GRIK1: variants seen among roughly 807,000 people sequenced by gnomAD.
GRIK1 encodes glutamate receptor ionotropic, kainate 1.
In GRIK1, 69 loss-of-function variants were observed where a neutral mutation model predicts 105.7. The ratio of observed to expected loss-of-function variants is 0.65; its 90% CI spans 0.54 to 0.80. The LOEUF (loss-of-function observed/expected upper bound fraction) is 0.80. Ranked by LOEUF, GRIK1 falls within the 30% of genes least tolerant of loss-of-function variation. The probability of loss-of-function intolerance (pLI) is 0.00; values close to 1 mark genes in which losing one functional copy is unlikely to be tolerated. For missense variants in GRIK1, 1,109 were observed against 1,167.3 expected, an observed-to-expected ratio of 0.95 and a Z score of 0.73; for synonymous variants, 438 against 431.3, an observed-to-expected ratio of 1.02 and a Z score of -0.19.
At position 29,882,930 on chromosome 21, in the gene GRIK1, T is replaced by G. The variant is rs115120465; in HGVS notation, c.118+56453A>C. 7.3e-3 allele frequency among the ~76,000 whole-genome samples: 1,110 copies of G among 152,174 alleles called. 19 individuals are homozygous for G. The highest frequency in any genetic ancestry group is 0.025 in the African/African-American group (1,049 of 41,522). On this transcript the variant is annotated intron_variant, in intron 1 of 17. Coordinates refer to ENST00000327783, the MANE Select transcript of GRIK1 (RefSeq NM_001330994.2). ...ACCAGGGGCTGCAACTTGCTTTACT[T>G]TCTTGATGTCTAATTACTTTTTCTT...
intron 1 of GRIK1, among the ~76,000 whole-genome samples, chr21:29,898,087 A>T (rs914915553): frequency 2.4e-4 from 37 of 152,324 alleles, no homozygotes; most frequent in African/African-American, 8.7e-4. Flanking sequence ...TACCACTCAT[A>T]CATGTTCTAA....
chr21:29,634,860 T>G (rs1355186060), intron 7 of GRIK1, among the ~76,000 whole-genome samples: 1 of 152,186 alleles, frequency 6.6e-6, no homozygotes, highest in African/African-American at 2.4e-5. Context: ...CTGTCTCCAC[T>G]CTGTATGGAA....
intron 1 of GRIK1, among the ~76,000 whole-genome samples, chr21:29,723,249 T>C (rs900755710): frequency 6.6e-6 from 1 of 152,254 alleles, no homozygotes; most frequent in Non-Finnish European, 1.5e-5. Context: ...AATTTAAAAT[T>C]TGAGAATACT....
chr21:29,673,103 G>T lies in GRIK1; in HGVS notation c.606C>A (p.Ile202=), dbSNP rs1290066531. 1 of 1,612,392 alleles carries T rather than the reference G, an allele frequency of 6.2e-7. No homozygotes were observed. Among genetic ancestry groups the T allele is most frequent in the Non-Finnish European group, 8.5e-7 (1 of 1,178,534 alleles). ...CTTTATTCCCAGAGGGCAGCTGGCG[G>T]ATTTTGATTTTAATATTATATCTGG... ...APSRYNIKIK[I]RQLPSGNKDA... is the part of the protein sequence containing the mutation. The change falls in exon 4 of 18, where the codon ATC becomes ATA. Residue 202 remains isoleucine, a synonymous_variant. Transcript: ENST00000327783.
chr21:29,649,686 A>G (rs964986589), intron 6 of GRIK1, among the ~76,000 whole-genome samples: 4 of 152,254 alleles, frequency 2.6e-5, no homozygotes, highest in Non-Finnish European at 4.4e-5. Context: ...GCTCAGTATA[A>G]TTGAACACAC....
intron 1 of GRIK1, among the ~76,000 whole-genome samples, chr21:29,790,077 G>C (rs181825653): frequency 3.3e-5 from 5 of 152,168 alleles, no homozygotes; most frequent in African/African-American, 1.2e-4. Flanking sequence ...TTGTGGTGGA[G>C]TCTCGCTGTA....
chr21:29,769,604 G>A (rs1438581197), intron 1 of GRIK1, among the ~76,000 whole-genome samples: 1 of 152,062 alleles, frequency 6.6e-6, no homozygotes, highest in Non-Finnish European at 1.5e-5. Flanking sequence ...GACAAGAGGC[G>A]GAGCTCAGGT....
intron 1 of GRIK1, among the ~76,000 whole-genome samples, chr21:29,883,152 C>T (rs1424982618): frequency 1.3e-5 from 2 of 152,052 alleles, no homozygotes; most frequent in African/African-American, 4.8e-5. Flanking sequence ...TGGAAGGTAA[C>T]TTAACCCATT....
intron 1 of GRIK1, among the ~76,000 whole-genome samples, chr21:29,816,514 A>G (rs1344028437): frequency 1.3e-5 from 2 of 152,156 alleles, no homozygotes; most frequent in South Asian, 2.1e-4. Context: ...CACTATTCAC[A>G]ATAACCAAGA....
At chr21:29,601,164 C>G in intron 7 of GRIK1, 1 of 483,212 alleles carries the variant, frequency 2.1e-6, no homozygotes, top group South Asian at 1.5e-5. Flanking sequence ...CCATTCAATT[C>G]ATGTAGAGCC....
At chr21:29,631,150 C>T (rs899644988) in intron 7 of GRIK1, among the ~76,000 whole-genome samples, 7 of 152,114 alleles carry the variant, frequency 4.6e-5, no homozygotes, top group African/African-American at 1.7e-4. Context: ...AACTATTATG[C>T]TGGTAAAGCT....
At position 29,926,303 on chromosome 21, in the gene GRIK1, C is replaced by G. The variant is rs183690305; in HGVS notation, c.118+13080G>C. ...CTCAAAATTCTCTACAACGGGCACC[C>G]TGATTTAAAGAAACCACAGTGATTA... On this transcript the variant is annotated intron_variant, in intron 1 of 17. Coordinates refer to ENST00000327783, the MANE Select transcript of GRIK1 (RefSeq NM_001330994.2). Among the ~76,000 whole-genome samples the G allele has an allele frequency of 2.0e-5, 3 of 152,282 alleles. No homozygotes were observed. The East Asian group carries it at 5.8e-4, about 29-fold the overall frequency.
rs1423327091 is a variant in GRIK1 at position 29,537,030 on chromosome 21, A to G, written c.*200T>C. ...AAATGCAAAATAATTGAGCATACAA[A>G]TTTATTTTAAAAGAACTGGTGTCAC... is the stretch of plus-strand genomic sequence containing the variant. On this transcript the variant is annotated 3_prime_UTR_variant, in exon 18 of 18. Coordinates refer to ENST00000327783, the MANE Select transcript of GRIK1 (RefSeq NM_001330994.2). 8.3e-6 allele frequency: 3 copies of G among 360,828 alleles called. No homozygotes were observed. Among genetic ancestry groups the G allele is most frequent in the Non-Finnish European group, 1.5e-5 (3 of 201,410 alleles). 22.4% of individuals were successfully genotyped at this position (360,828 alleles called of 1,614,324 possible). A position where few individuals can be genotyped will look rare whatever the true frequency, so the allele number is the denominator to read the frequency against.
chr21:29,816,728 G>A (rs1414036882), intron 1 of GRIK1, among the ~76,000 whole-genome samples: 3 of 152,002 alleles, frequency 2.0e-5, no homozygotes. Flanking sequence ...CTTATATGTG[G>A]GAGCTAAGAA....
intron 1 of GRIK1, among the ~76,000 whole-genome samples, chr21:29,796,953 G>GCAAA (rs1211708796): frequency 1.4e-5 from 2 of 138,406 alleles, no homozygotes; most frequent in Non-Finnish European, 3.1e-5. Flanking sequence ...TGTCTCAAAA[G>GCAAA]CAAACAAACA....
In GRIK1 at chr21:29,537,151, T is replaced by C; in HGVS notation, c.*79A>G. 1.0e-6 allele frequency: 1 copy of C among 964,994 alleles called. No individual in the cohort carries two copies. The highest frequency in any genetic ancestry group is 1.5e-6 in the Non-Finnish European group (1 of 650,846). 59.8% of individuals were successfully genotyped at this position (964,994 alleles called of 1,614,324 possible). ...ATGGATATAGATATATGGAAACACA[T>C]CACACACTCCTCAGAAATCCTTTCT... On this transcript the variant is annotated 3_prime_UTR_variant, in exon 18 of 18. Transcript: ENST00000327783.
chr21:29,590,484 G>A (rs3026026), intron 10 of GRIK1, among the ~76,000 whole-genome samples: 3 of 152,170 alleles, frequency 2.0e-5, no homozygotes, highest in Admixed American at 6.5e-5. Flanking sequence ...AGAACAGTTA[G>A]TAAAGGAGCT....
At chr21:29,901,368 T>A (rs2070400409) in intron 1 of GRIK1, among the ~76,000 whole-genome samples, 1 of 152,072 alleles carries the variant, frequency 6.6e-6, no homozygotes, top group Admixed American at 6.5e-5. Flanking sequence ...AGCTGGTTTT[T>A]TGAAAAGATC....
At chr21:29,705,298 A>AG (rs2063883823) in intron 1 of GRIK1, among the ~76,000 whole-genome samples, 2 of 152,196 alleles carry the variant, frequency 1.3e-5, no homozygotes. Flanking sequence ...TTATACATAG[A>AG]GAGTTTAGTG....
Sources: gnomAD v4.1 joint callset for allele counts (sites outside exome capture counted in the v4.1 genomes callset) on GRCh38, gnomAD v4.1.1 for gene constraint, MANE v1.5 for transcripts, NCBI Gene and HGNC (gene_info 2026-07-23, HGNC 2026-07-21) for gene names.